PCDH15: variants seen among roughly 807,000 people sequenced by gnomAD.
PCDH15 encodes protocadherin-15.
Under a neutral mutation model 178.5 loss-of-function variants are expected in PCDH15, and 129 were observed. That is an observed-to-expected ratio of 0.72 (90% CI 0.63 to 0.84). PCDH15 has a LOEUF of 0.84. Among genes scored for constraint, PCDH15 ranks in the 40% least tolerant of loss-of-function variants. PCDH15 has a pLI of 0.00. For missense variants in PCDH15, 2,230 were observed against 2,099.9 expected, an observed-to-expected ratio of 1.06 and a Z score of -1.21; for synonymous variants, 800 against 732.0, an observed-to-expected ratio of 1.09 and a Z score of -1.50.
At chr10:55,314,705 T>G (rs1362929543) in intron 1 of PCDH15, among the ~76,000 whole-genome samples, 1 of 152,174 alleles carries the variant, frequency 6.6e-6, no homozygotes, top group Non-Finnish European at 1.5e-5. Flanking sequence ...TGTAGTAGAA[T>G]TGTCTTCTTA....
intron 8 of PCDH15, among the ~76,000 whole-genome samples, chr10:54,247,271 A>G (rs1300903354): frequency 1.3e-5 from 2 of 151,970 alleles, no homozygotes; most frequent in Non-Finnish European, 2.9e-5. Flanking sequence ...GCACTCATCC[A>G]CATCAGAATT....
At chr10:54,515,550 G>A (rs1163878995) in intron 3 of PCDH15, among the ~76,000 whole-genome samples, 2 of 152,232 alleles carry the variant, frequency 1.3e-5, no homozygotes, top group Non-Finnish European at 2.9e-5. Context: ...TCCACCTCTG[G>A]GGGCAGGGCA....
chr10:54,966,117 A>G (rs1838781893), intron 2 of PCDH15, among the ~76,000 whole-genome samples: 1 of 152,050 alleles, frequency 6.6e-6, no homozygotes, highest in African/African-American at 2.4e-5. Flanking sequence ...ACAGCATTCA[A>G]GTAACTACTT....
intron 2 of PCDH15, among the ~76,000 whole-genome samples, chr10:55,350,247 A>ATATGTG (rs1441504233): frequency 3.2e-5 from 2 of 63,072 alleles, no homozygotes; most frequent in Non-Finnish European, 3.1e-5. Flanking sequence ...ATATATATAT[A>ATATGTG]TATATATATA....
chr10:54,232,512 C>T (rs989365352), intron 9 of PCDH15, among the ~76,000 whole-genome samples: 1 of 152,158 alleles, frequency 6.6e-6, no homozygotes, highest in Admixed American at 6.5e-5. Context: ...GCATCTGATC[C>T]AGAATTCTTC....
chr10:53,915,502 T>C (rs769747656), intron 25 of PCDH15, among the ~76,000 whole-genome samples: 24 of 152,334 alleles, frequency 1.6e-4, no homozygotes, highest in Admixed American at 4.6e-4. Flanking sequence ...GTTTGGCTGA[T>C]AGGTTAATAA....
At chr10:55,622,083 A>C (rs150647819) in intron 2 of PCDH15, among the ~76,000 whole-genome samples, 4,757 of 122,034 alleles carry the variant, frequency 0.039, 177 homozygotes, top group African/African-American at 0.1. Flanking sequence ...AATATATATA[A>C]ATTATATATA....
intron 1 of PCDH15, among the ~76,000 whole-genome samples, chr10:54,672,519 C>G (rs547891300): frequency 2.0e-5 from 3 of 152,034 alleles, no homozygotes; most frequent in Non-Finnish European, 2.9e-5. Flanking sequence ...AAGAAGCAAA[C>G]GTATTGTAAA....
chr10:54,286,581 GT>G (rs1228590695), intron 8 of PCDH15, among the ~76,000 whole-genome samples: 1 of 152,028 alleles, frequency 6.6e-6, no homozygotes, highest in Non-Finnish European at 1.5e-5. Flanking sequence ...TAATGTTTTT[GT>G]TTTTGTTTTG....
intron 27 of PCDH15, among the ~76,000 whole-genome samples, chr10:53,865,163 A>G (rs2079365118): frequency 6.6e-6 from 1 of 152,228 alleles, no homozygotes; most frequent in Non-Finnish European, 1.5e-5. Context: ...CATAATCAGC[A>G]TGGATATAGG....
intron 2 of PCDH15, among the ~76,000 whole-genome samples, chr10:55,393,577 G>A (rs1227607510): frequency 2.0e-5 from 3 of 152,074 alleles, no homozygotes; most frequent in East Asian, 1.9e-4. Flanking sequence ...ATGGGTCAAC[G>A]TTTCAGGGCC....
intron 2 of PCDH15, among the ~76,000 whole-genome samples, chr10:55,580,321 T>C (rs986564148): frequency 2.6e-5 from 4 of 151,980 alleles, no homozygotes; most frequent in Admixed American, 2.0e-4. Flanking sequence ...GGCTTCTAAA[T>C]ATATGGCTAT....
At chr10:54,566,036 A>C (rs1305715535) in intron 2 of PCDH15, among the ~76,000 whole-genome samples, 1 of 152,190 alleles carries the variant, frequency 6.6e-6, no homozygotes, top group East Asian at 1.9e-4. Flanking sequence ...GCGAGCTGAG[A>C]TCGTGCCATT....
intron 2 of PCDH15, among the ~76,000 whole-genome samples, chr10:55,401,903 A>T (rs1298233591): frequency 6.6e-6 from 1 of 152,082 alleles, no homozygotes; most frequent in Non-Finnish European, 1.5e-5. Flanking sequence ...CCACATATTT[A>T]CAGAATGGAT....
intron 1 of PCDH15, among the ~76,000 whole-genome samples, chr10:55,263,592 C>T (rs1189664012): frequency 6.6e-6 from 1 of 152,092 alleles, no homozygotes; most frequent in Non-Finnish European, 1.5e-5. Flanking sequence ...ACGGGCTCTT[C>T]TCACCCACCA....
intron 2 of PCDH15, among the ~76,000 whole-genome samples, chr10:55,560,799 C>T (rs1842182049): frequency 6.6e-6 from 1 of 151,560 alleles, no homozygotes; most frequent in African/African-American, 2.4e-5. Context: ...TCCTTTTTAG[C>T]CAATGATGTT....
intron 26 of PCDH15, among the ~76,000 whole-genome samples, chr10:53,871,718 A>G (rs1296462128): frequency 1.4e-5 from 2 of 147,784 alleles, no homozygotes; most frequent in Non-Finnish European, 3.0e-5. Context: ...TATTGCTTCC[A>G]GTTCTTGTTT....
rs577855239 is a variant in PCDH15 at position 53,894,871 on chromosome 10, C to G, written c.3501+8372G>C. ...GTCTCACAGAGAGATAAGAGCATGC[C>G]CAGAACTAAATCCAGGTGATTAGAA... On this transcript the variant is annotated intron_variant, in intron 26 of 37. Coordinates refer to ENST00000644397, the MANE Select transcript of PCDH15 (RefSeq NM_001384140.1). 3.9e-5 allele frequency among the ~76,000 whole-genome samples: 6 copies of G among 152,160 alleles called. No homozygotes were observed. The East Asian group carries it at 1.2e-3, about 29-fold the overall frequency.
intron 11 of PCDH15, among the ~76,000 whole-genome samples, chr10:54,194,608 A>ATGTGTGTG (rs139042978): frequency 3.5e-5 from 4 of 115,442 alleles, no homozygotes; most frequent in African/African-American, 1.6e-4. Context: ...TGTTTTATAT[A>ATGTGTGTG]TATGTGTGTG....
Sources: allele counts gnomAD v4.1 joint callset (sites outside exome capture counted in the v4.1 genomes callset), GRCh38; gene constraint gnomAD v4.1.1; transcripts MANE v1.5; gene names NCBI Gene and HGNC (gene_info 2026-07-23, HGNC 2026-07-21).